The following FARS2 variants were observed in gnomAD, a reference collection of about 807,000 sequenced individuals.
FARS2 encodes phenylalanine--tRNA ligase, mitochondrial.
In FARS2, 40 loss-of-function variants were observed where a neutral mutation model predicts 46.4. The observed-to-expected ratio is 0.86, with a 90% CI of 0.67 to 1.12. The LOEUF is 1.12. Ranked by LOEUF, FARS2 falls within the 50% of genes most tolerant of loss-of-function variation. The pLI, the probability that FARS2 is intolerant of heterozygous loss-of-function variation, is 0.00. For missense variants in FARS2, 513 were observed against 567.9 expected, an observed-to-expected ratio of 0.90 and a Z score of 0.98; for synonymous variants, 234 against 214.9, an observed-to-expected ratio of 1.09 and a Z score of -0.78.
rs114070695 is a variant in FARS2 at position 5,482,142 on chromosome 6, T to G, written c.904+50970T>G. Among the ~76,000 whole-genome samples the G allele has an allele frequency of 9.1e-3, 1,387 of 152,300 alleles. 24 individuals carry two copies. Among genetic ancestry groups the G allele is most frequent in the African/African-American group, 0.032 (1,337 of 41,550 alleles). On this transcript the variant is annotated intron_variant, in intron 4 of 6. Transcript: ENST00000274680. Reference sequence around the variant, plus strand: ...AGGATTGCCAGCTTACATCTTTTTTTTTTTGAATCAGATGGAAAATAAATA... The same window carrying G: ...AGGATTGCCAGCTTACATCTTTTTTGTTTTGAATCAGATGGAAAATAAATA...
rs117504658 is a variant in FARS2 at position 5,723,145 on chromosome 6, A to G, written c.1218-48146A>G. Among the ~76,000 whole-genome samples, 36 of 152,070 alleles carry G rather than the reference A, an allele frequency of 2.4e-4. No homozygotes were observed. The East Asian group carries it at 6.8e-3, about 29-fold the overall frequency. On this transcript the variant is annotated intron_variant, in intron 6 of 6. Transcript: ENST00000274680. ...TTTGTGATCTTATTAAGTAAGGGTG[A>G]GTGAGTGAAGGTGACAGGCCACGAA... is the stretch of plus-strand genomic sequence containing the variant.
chr6:5,421,220 G>A lies in FARS2; in HGVS notation c.773-9821G>A, dbSNP rs539912595. On this transcript the variant is annotated intron_variant, in intron 3 of 6. Transcript: ENST00000274680. ...AGGTTTGAGGCCTGCACCCTCCGAA[G>A]CCACAGCCCGAGCTCTACATTGACC... Among the ~76,000 whole-genome samples the A allele has an allele frequency of 6.6e-5, 10 of 152,186 alleles. No individual in the cohort carries two copies. The South Asian group carries it at 2.1e-3, about 32-fold the overall frequency.
intron 2 of FARS2, among the ~76,000 whole-genome samples, 192 bp from the exon 3 acceptor site, chr6:5,404,350 G>A (rs1442897907): frequency 6.6e-6 from 1 of 152,182 alleles, no homozygotes; most frequent in African/African-American, 2.4e-5. Flanking sequence ...CCCATACCAT[G>A]TAGCGTAGTG....
chr6:5,344,775 CTCTT>C (rs1363647220), intron 1 of FARS2, among the ~76,000 whole-genome samples: 2 of 151,428 alleles, frequency 1.3e-5, no homozygotes, highest in African/African-American at 4.9e-5. Flanking sequence ...GCCTCGTTTT[CTCTT>C]TCTTTCTTTT....
chr6:5,653,082 A>G (rs543213927), intron 6 of FARS2, among the ~76,000 whole-genome samples: 2 of 152,354 alleles, frequency 1.3e-5, no homozygotes, highest in South Asian at 4.1e-4. Flanking sequence ...TACGTCAAAG[A>G]TAGGGAAAGC....
At chr6:5,572,071 T>C (rs1406415161) in intron 5 of FARS2, among the ~76,000 whole-genome samples, 2 of 152,234 alleles carry the variant, frequency 1.3e-5, no homozygotes, top group Non-Finnish European at 2.9e-5. Context: ...GTTTTCATGT[T>C]GAACATGCCT....
chr6:5,701,318 G>T (rs1758422452), intron 6 of FARS2, among the ~76,000 whole-genome samples: 1 of 152,244 alleles, frequency 6.6e-6, no homozygotes, highest in Non-Finnish European at 1.5e-5. Flanking sequence ...GTCTGCCTGA[G>T]CCACCGTAAA....
At chr6:5,483,801 G>A (rs565086583) in intron 4 of FARS2, among the ~76,000 whole-genome samples, 7 of 152,202 alleles carry the variant, frequency 4.6e-5, no homozygotes, top group South Asian at 4.2e-4. Context: ...GAGCAGGTGA[G>A]GGGGGGCATT....
At chr6:5,662,211 G>C (rs1208138020) in intron 6 of FARS2, among the ~76,000 whole-genome samples, 2 of 151,902 alleles carry the variant, frequency 1.3e-5, no homozygotes, top group Non-Finnish European at 2.9e-5. Flanking sequence ...TTCTTTGTCA[G>C]CTCTTTTATT....
intron 5 of FARS2, among the ~76,000 whole-genome samples, chr6:5,550,220 T>G (rs1771289288): frequency 6.6e-6 from 1 of 152,242 alleles, no homozygotes; most frequent in Non-Finnish European, 1.5e-5. Context: ...TCTGTGGCCC[T>G]TGGCTTCACC....
Position 5,471,821 on chromosome 6 carries a change from A to G in FARS2, c.904+40649A>G, listed in dbSNP as rs1561643968. Among the ~76,000 whole-genome samples the G allele has an allele frequency of 6.6e-6, 1 of 152,138 alleles. No homozygotes were observed. Among genetic ancestry groups the G allele is most frequent in the Non-Finnish European group, 1.5e-5 (1 of 68,030 alleles). On this transcript the variant is annotated intron_variant, in intron 4 of 6. Coordinates refer to ENST00000274680, the MANE Select transcript of FARS2 (RefSeq NM_006567.5). The surrounding 1 kb of genome is among the most constrained non-coding windows in gnomAD (Gnocchi z 4.1). ...CCCCGTCTGACACCAGGGCGACTTG[A>G]GAATTGAGCCCAGGGAAGCTGCAGT...
chr6:5,595,486 A>G (rs1326755565), intron 5 of FARS2, among the ~76,000 whole-genome samples: 5 of 152,204 alleles, frequency 3.3e-5, no homozygotes, highest in Non-Finnish European at 5.9e-5. Context: ...AAAGAGAGCC[A>G]CAGACTTTCT....
intron 4 of FARS2, among the ~76,000 whole-genome samples, chr6:5,544,600 A>G (rs1189252611): frequency 1.3e-5 from 2 of 152,178 alleles, no homozygotes; most frequent in Non-Finnish European, 2.9e-5. Context: ...AGGTGGTGCT[A>G]GTTATACCCC....
chr6:5,692,294 C>T (rs9405280), intron 6 of FARS2, among the ~76,000 whole-genome samples: 74,573 of 152,100 alleles, frequency 0.49, 18,724 homozygotes, highest in African/African-American at 0.55. Context: ...CTGGGAGCTG[C>T]AGACTGGAGC....
intron 3 of FARS2, among the ~76,000 whole-genome samples, chr6:5,414,811 GTT>G (rs35210878): frequency 6.6e-4 from 57 of 86,660 alleles, no homozygotes; most frequent in African/African-American, 1.4e-3. Flanking sequence ...GTATATGACT[GTT>G]TTTTTTTTTT....
At position 5,297,687 on chromosome 6, in the gene FARS2, ACAG is replaced by A. The variant is rs1368187971; in HGVS notation, c.-22+36030_-22+36032del. Among the ~76,000 whole-genome samples, 7 of 152,012 alleles carry A rather than the reference ACAG, an allele frequency of 4.6e-5. No homozygotes were observed. The East Asian group carries it at 9.7e-4, about 21-fold the overall frequency. On this transcript the variant is annotated intron_variant, in intron 1 of 6. Coordinates refer to ENST00000274680, the MANE Select transcript of FARS2 (RefSeq NM_006567.5). ...TAAAAAAAAACCCAAAAGAACAGCA[ACAG>A]CAACAACAACAACAACGAAACTAAG...
chr6:5,322,388 A>G (rs1288208863), intron 1 of FARS2, among the ~76,000 whole-genome samples: 1 of 152,238 alleles, frequency 6.6e-6, no homozygotes, highest in African/African-American at 2.4e-5. Context: ...AAAGTTGGTT[A>G]TGAACCACAA....
chr6:5,737,462 C>T (rs144684997), intron 6 of FARS2, among the ~76,000 whole-genome samples: 3,982 of 152,260 alleles, frequency 0.026, 76 homozygotes, highest in Non-Finnish European at 0.041. Flanking sequence ...ACCCAGGAGG[C>T]GGAAGTTGCA....
intron 4 of FARS2, among the ~76,000 whole-genome samples, chr6:5,472,131 A>G (rs1452678869): frequency 1.3e-5 from 2 of 152,062 alleles, no homozygotes; most frequent in Non-Finnish European, 2.9e-5. Context: ...CCTGGAATAG[A>G]TGTATATTAA....
Sources: gnomAD v4.1 joint callset for allele counts (sites outside exome capture counted in the v4.1 genomes callset) on GRCh38, gnomAD v4.1.1 for gene constraint, Gnocchi (gnomAD v3.1) non-coding constraint, MANE v1.5 for transcripts, NCBI Gene and HGNC (gene_info 2026-07-23, HGNC 2026-07-21) for gene names.